RGS10: variants seen among roughly 807,000 people sequenced by gnomAD.
RGS10 encodes regulator of G protein signaling 10.
A neutral mutation model predicts 23.5 loss-of-function variants in RGS10; 11 were observed. That is an observed-to-expected ratio of 0.47 (90% CI 0.29 to 0.77). The LOEUF (loss-of-function observed/expected upper bound fraction) is 0.77. RGS10 is among the 30% of genes least tolerant of loss of function. The pLI is 0.08. For missense variants in RGS10, 180 were observed against 226.3 expected (o/e 0.80, Z 1.31); for synonymous variants, 77 against 83.2 (o/e 0.92, Z 0.41).
chr10:119,515,519 A>T lies in RGS10; in HGVS notation c.389T>A (p.Leu130His), dbSNP rs759462030. The T allele has an allele frequency of 1.9e-6, 3 of 1,614,076 alleles. No homozygotes were observed. The African/African-American group carries it at 4.0e-5, about 22-fold the overall frequency. Residue 130 changes from leucine to histidine, a missense_variant, in exon 4 of 5, where the codon CTC becomes CAC. Leu to His is a moderately conservative substitution (Grantham distance 99). Transcript: ENST00000369103. ...GGGAAGTCGGGTTACCTGGTCCTGG[A>T]GTTTCTGGAACATCAGAGGGTGCGG... is the stretch of plus-strand genomic sequence containing the variant. ...EEPHPLMFQK[L>H]QDQIFNLMKY...
intron 4 of RGS10, among the ~76,000 whole-genome samples, chr10:119,506,758 C>T (rs1379391608): frequency 2.6e-5 from 4 of 152,110 alleles, no homozygotes; most frequent in African/African-American, 7.2e-5. Flanking sequence ...TGGAGTGCAG[C>T]GGCGCGATCT....
chr10:119,540,767 A>G (rs1177630221), intron 1 of RGS10, among the ~76,000 whole-genome samples: 2 of 152,374 alleles, frequency 1.3e-5, no homozygotes, highest in Middle Eastern at 3.4e-3. Context: ...AGTAACGCGT[A>G]CAGGGCTATT....
At position 119,512,794 on chromosome 10, in the gene RGS10, C is replaced by T. The variant is rs558294955; in HGVS notation, c.399+2715G>A. Among the ~76,000 whole-genome samples, 13 of 152,336 alleles carry T rather than the reference C, an allele frequency of 8.5e-5. 1 individual carries two copies. The highest frequency in any genetic ancestry group is 4.1e-4 in the South Asian group (2 of 4,832). ...AACTCCTGACCTCAGGTGATCCACA[C>T]GCCTTGGCCTCCCAAAGTGCTGGGT... is the stretch of plus-strand genomic sequence containing the variant. On this transcript the variant is annotated intron_variant, in intron 4 of 4. Coordinates refer to ENST00000369103, the MANE Select transcript of RGS10 (RefSeq NM_001005339.2).
chr10:119,513,471 AAAAT>A (rs1374344004), intron 4 of RGS10, among the ~76,000 whole-genome samples: 30 of 151,850 alleles, frequency 2.0e-4, no homozygotes, highest in African/African-American at 6.5e-4. Flanking sequence ...AAAATAAAAT[AAAAT>A]AAATAAATAA....
At chr10:119,526,609 T>G (rs990672898) in intron 2 of RGS10, among the ~76,000 whole-genome samples, 2 of 152,198 alleles carry the variant, frequency 1.3e-5, no homozygotes, top group Non-Finnish European at 2.9e-5. Context: ...TACTCTGCTG[T>G]GCAGAGACCT....
intron 4 of RGS10, among the ~76,000 whole-genome samples, chr10:119,509,828 G>T (rs1236610011): frequency 6.6e-6 from 1 of 152,110 alleles, no homozygotes; most frequent in Non-Finnish European, 1.5e-5. Flanking sequence ...GTCAGACAGC[G>T]GCAGGGCTGG....
At chr10:119,542,454 G>A (rs75552384) in intron 1 of RGS10, 136 bp downstream of exon 1, 7,747 of 666,208 alleles carry the variant, frequency 0.012, 255 homozygotes, top group East Asian at 0.11. Flanking sequence ...CCAGCGGGGA[G>A]AGGTGGTGCG....
Position 119,526,025 on chromosome 10 carries a change from GA to G in RGS10, c.255+6del. 6.6e-7 allele frequency: 1 copy of G among 1,517,512 alleles called. No individual in the cohort carries two copies. Among genetic ancestry groups the G allele is most frequent in the Non-Finnish European group, 9.0e-7 (1 of 1,113,102 alleles). The allele number at this position is 1,517,512 out of a possible 1,614,324, so 94.0% of individuals were successfully genotyped here. A position where few individuals can be genotyped will look rare whatever the true frequency, so the allele number is the denominator to read the frequency against. On this transcript the variant is annotated splice_donor_region_variant and intron_variant, in intron 3 of 4. Coordinates refer to ENST00000369103, the MANE Select transcript of RGS10 (RefSeq NM_001005339.2). The stretch of plus-strand genomic sequence containing the variant: ...AGGGAAAAAAATTATCAGAGTGGAG[GA>G]AATACCTGCGTCTTATCTTGCATTT...
At chr10:119,512,371 A>C (rs938003196) in intron 4 of RGS10, among the ~76,000 whole-genome samples, 1 of 152,126 alleles carries the variant, frequency 6.6e-6, no homozygotes, top group African/African-American at 2.4e-5. Flanking sequence ...AATGCTGAGC[A>C]CGCATTTTGA....
intron 1 of RGS10, chr10:119,536,615 A>G (rs1844391840): frequency 1.0e-6 from 1 of 969,374 alleles, no homozygotes; most frequent in Admixed American, 2.6e-5. Context: ...TCCTCTTTTA[A>G]GTGGACTAAA....
chr10:119,502,990 C>A (rs1843968984), intron 4 of RGS10, among the ~76,000 whole-genome samples: 1 of 152,144 alleles, frequency 6.6e-6, no homozygotes, highest in South Asian at 2.1e-4. Context: ...CTTCTGACTG[C>A]CACCGGCCAA....
chr10:119,537,364 A>T, intron 1 of RGS10, among the ~76,000 whole-genome samples: 1 of 144,044 alleles, frequency 6.9e-6, no homozygotes. Context: ...CGTGGGCAAC[A>T]AGAGTGAAAC....
chr10:119,533,888 T>C (rs1844357093), intron 1 of RGS10, among the ~76,000 whole-genome samples: 1 of 152,216 alleles, frequency 6.6e-6, no homozygotes, highest in African/African-American at 2.4e-5. Context: ...TTCAAATTTT[T>C]TGCATGCAAA....
chr10:119,537,487 A>G (rs1339987900), intron 1 of RGS10, among the ~76,000 whole-genome samples: 3 of 152,102 alleles, frequency 2.0e-5, no homozygotes, highest in Non-Finnish European at 2.9e-5. Flanking sequence ...CAAGGGCCCC[A>G]TTTTACAGAT....
At chr10:119,533,947 A>G in intron 1 of RGS10, among the ~76,000 whole-genome samples, 2 of 152,290 alleles carry the variant, frequency 1.3e-5, no homozygotes, top group Middle Eastern at 6.8e-3. Flanking sequence ...GTCATTAGCT[A>G]ATAATAATGG....
chr10:119,532,890 A>G (rs1329101398), intron 1 of RGS10, among the ~76,000 whole-genome samples: 1 of 151,744 alleles, frequency 6.6e-6, no homozygotes, highest in Non-Finnish European at 1.5e-5. Flanking sequence ...AACCACAAAA[A>G]TTAGCTGGTC....
At chr10:119,534,946 G>A (rs745440076) in intron 1 of RGS10, among the ~76,000 whole-genome samples, 7 of 152,028 alleles carry the variant, frequency 4.6e-5, no homozygotes, top group South Asian at 4.2e-4. Context: ...GCTGGGTACC[G>A]TTCCAAGCTT....
intron 3 of RGS10, among the ~76,000 whole-genome samples, chr10:119,522,289 C>T (rs1844226785): frequency 6.6e-6 from 1 of 152,074 alleles, no homozygotes; most frequent in South Asian, 2.1e-4. Flanking sequence ...ACAACAGAGG[C>T]GAGAGTGGGA....
At chr10:119,536,692 T>A (rs1844392289) in intron 1 of RGS10, among the ~76,000 whole-genome samples, 1 of 152,168 alleles carries the variant, frequency 6.6e-6, no homozygotes, top group Non-Finnish European at 1.5e-5. Flanking sequence ...AACTGTTATT[T>A]GTAGCCTCCC....
Sources: allele counts gnomAD v4.1 joint callset (sites outside exome capture counted in the v4.1 genomes callset), GRCh38; gene constraint gnomAD v4.1.1; transcripts MANE v1.5; gene names NCBI Gene and HGNC (gene_info 2026-07-23, HGNC 2026-07-21).